Variants in SHLD2 observed in about 807,000 individuals in gnomAD.
SHLD2 encodes shieldin complex subunit 2.
In SHLD2, 30 loss-of-function variants were observed where a neutral mutation model predicts 73.2. That is an observed-to-expected ratio of 0.41 (90% CI 0.31 to 0.56). The LOEUF is 0.56. Among genes scored for constraint, SHLD2 ranks in the 20% least tolerant of loss-of-function variants. The pLI, the probability that SHLD2 is intolerant of heterozygous loss-of-function variation, is 0.28. For synonymous variants in SHLD2, 285 were observed against 370.1 expected, an observed-to-expected ratio of 0.77 and a Z score of 2.64; for missense variants, 745 against 1,055.9, an observed-to-expected ratio of 0.71 and a Z score of 4.08.
At chr10:87,160,825 A>G (rs1258384304) in intron 4 of SHLD2, among the ~76,000 whole-genome samples, 1 of 151,824 alleles carries the variant, frequency 6.6e-6, no homozygotes, top group Non-Finnish European at 1.5e-5. Flanking sequence ...CCCTGTCTGT[A>G]CTAAAAAGAT....
At position 87,179,590 on chromosome 10, in the gene SHLD2, A is replaced by T. The variant is rs190379103; in HGVS notation, c.2171-485A>T. Among the ~76,000 whole-genome samples the T allele has an allele frequency of 7.6e-4, 116 of 152,200 alleles. 2 individuals are homozygous for T. In the East Asian group the frequency reaches 0.02, roughly 26 times the overall value. On this transcript the variant is annotated intron_variant, in intron 7 of 9. Coordinates refer to ENST00000298786, the MANE Select transcript of SHLD2 (RefSeq NM_001330112.2). The stretch of plus-strand genomic sequence containing the variant: ...CTAATTTTTTGTATTTTTAGTAGAG[A>T]CAGGGTTTCACCATGTTAGCCAGGA...
At chr10:87,108,428 C>G (rs1842732371) in intron 2 of SHLD2, among the ~76,000 whole-genome samples, 1 of 152,156 alleles carries the variant, frequency 6.6e-6, no homozygotes, top group Non-Finnish European at 1.5e-5. Flanking sequence ...TCAAGTGATC[C>G]ACCGCCCCTT....
intron 2 of SHLD2, among the ~76,000 whole-genome samples, chr10:87,117,163 T>G (rs2134046422): frequency 6.6e-6 from 1 of 152,348 alleles, no homozygotes; most frequent in Admixed American, 6.5e-5. Flanking sequence ...CTCATGCCTG[T>G]AATCCCAGCA....
In SHLD2 at chr10:87,187,220, T is replaced by C; in HGVS notation, c.2515+20T>C. On this transcript the variant is annotated intron_variant, in intron 9 of 9. Coordinates refer to ENST00000298786, the MANE Select transcript of SHLD2 (RefSeq NM_001330112.2). ...TGATAGGTAATATATCAGTGTGCCATCAAGAAGTTGTTTTATTCAGGAGTA... is the reference window on the plus strand; with the variant it reads ...TGATAGGTAATATATCAGTGTGCCACCAAGAAGTTGTTTTATTCAGGAGTA... 7.1e-7 allele frequency: 1 copy of C among 1,407,118 alleles called. No individual in the cohort carries two copies. The highest frequency in any genetic ancestry group is 1.0e-6 in the Non-Finnish European group (1 of 991,180). The allele number at this position is 1,407,118 out of a possible 1,614,324, so 87.2% of individuals were successfully genotyped here. A position where few individuals can be genotyped will look rare whatever the true frequency, so the allele number is the denominator to read the frequency against.
chr10:87,117,627 CTACAAAAAA>C (rs1382141657), intron 2 of SHLD2, among the ~76,000 whole-genome samples: 2 of 152,008 alleles, frequency 1.3e-5, no homozygotes, highest in Non-Finnish European at 2.9e-5. Context: ...AACCTTGTTT[CTACAAAAAA>C]TACAAAAAAT....
chr10:87,174,952 A>G (rs1446714200), intron 6 of SHLD2, among the ~76,000 whole-genome samples: 3 of 151,798 alleles, frequency 2.0e-5, no homozygotes, highest in African/African-American at 7.3e-5. Flanking sequence ...CGTCTCTACT[A>G]AAAATGCAAA....
At chr10:87,095,478 A>T (rs958011011) in intron 1 of SHLD2, among the ~76,000 whole-genome samples, 1 of 152,042 alleles carries the variant, frequency 6.6e-6, no homozygotes, top group South Asian at 2.1e-4. Flanking sequence ...TGGCGGCCTC[A>T]GGCCGGGGCC....
chr10:87,096,748 A>G (rs1841927716), intron 1 of SHLD2, among the ~76,000 whole-genome samples, 186 bp from the exon 2 acceptor site: 1 of 152,240 alleles, frequency 6.6e-6, no homozygotes, highest in Admixed American at 6.5e-5. Flanking sequence ...AGAATATGGA[A>G]GAGAAAGTTC....
chr10:87,127,626 G>T (rs1844131399), intron 2 of SHLD2, among the ~76,000 whole-genome samples: 1 of 149,104 alleles, frequency 6.7e-6, no homozygotes. Flanking sequence ...GGTAGACAAG[G>T]TAAGTATTCA....
chr10:87,176,733 G>A (rs1191697884), intron 7 of SHLD2, among the ~76,000 whole-genome samples: 1 of 152,188 alleles, frequency 6.6e-6, no homozygotes, highest in Non-Finnish European at 1.5e-5. Flanking sequence ...TCCAATATAT[G>A]ATTGAAGGTT....
intron 2 of SHLD2, among the ~76,000 whole-genome samples, chr10:87,133,781 C>T (rs1385489167): frequency 6.6e-6 from 1 of 152,202 alleles, no homozygotes; most frequent in African/African-American, 2.4e-5. Flanking sequence ...CTTCTTATCT[C>T]CCATAAAAGT....
At chr10:87,109,338 G>A (rs1214604256) in intron 2 of SHLD2, among the ~76,000 whole-genome samples, 2 of 140,250 alleles carry the variant, frequency 1.4e-5, no homozygotes, top group Non-Finnish European at 3.0e-5. Flanking sequence ...CATTCTTGTT[G>A]CTCAGGCTGG....
chr10:87,151,211 A>G (rs1845988913), intron 2 of SHLD2, 139 bp from the exon 3 acceptor site: 1 of 501,086 alleles, frequency 2.0e-6, no homozygotes. Flanking sequence ...TATATAATTA[A>G]ATGGCATATC....
In SHLD2 at chr10:87,151,632, T is replaced by C. The variant is rs1276093111; in HGVS notation, c.278T>C (p.Val93Ala). ...NRHVHVKDDF[V>A]RSVSETQNIE... ...CATGTTCATGTGAAAGATGACTTTG[T>C]ACGTTCTGTTTCTGAAACACAGAAT... The change falls in exon 3 of 10, where the codon GTA (valine) becomes GCA (alanine). Residue 93 changes from valine to alanine, a missense_variant. Physicochemically the swap from Val to Ala is moderately conservative, Grantham distance 64. Transcript: ENST00000298786. The C allele has an allele frequency of 1.2e-6, 2 of 1,611,900 alleles. No individual in the cohort carries two copies. Among genetic ancestry groups the C allele is most frequent in the Admixed American group, 3.3e-5 (2 of 60,008 alleles).
At chr10:87,126,732 G>T (rs1464059817) in intron 2 of SHLD2, among the ~76,000 whole-genome samples, 1 of 152,058 alleles carries the variant, frequency 6.6e-6, no homozygotes, top group East Asian at 1.9e-4. Context: ...GAATAGCTGC[G>T]TACACTTTAT....
At chr10:87,186,971 C>T in intron 8 of SHLD2, 114 bp from the exon 9 acceptor site, 1 of 655,516 alleles carries the variant, frequency 1.5e-6, no homozygotes, top group Non-Finnish European at 2.7e-6. Context: ...TTGTTTTAGG[C>T]ATTCAAATTA....
chr10:87,170,972 A>G lies in SHLD2; in HGVS notation c.1961A>G (p.Lys654Arg). 2.1e-6 allele frequency: 3 copies of G among 1,457,262 alleles called. No homozygotes were observed. The highest frequency in any genetic ancestry group is 2.9e-6 in the Non-Finnish European group (3 of 1,047,150). 90.3% of individuals were successfully genotyped at this position (1,457,262 alleles called of 1,614,324 possible). A position where few individuals can be genotyped will look rare whatever the true frequency, so the allele number is the denominator to read the frequency against. Residue 654 changes from lysine to arginine, a missense_variant and splice_region_variant, in exon 6 of 10, where the codon AAA (lysine) becomes AGA (arginine). Lys to Arg is a conservative substitution (Grantham distance 26). Transcript: ENST00000298786. ...AAWYPQLQRKKGYIWEFKYLF... is the reference protein window; with the variant it reads ...AAWYPQLQRKRGYIWEFKYLF... ...TGGTACCCTCAACTTCAAAGGAAAAAAGGTAAATACACCAAAAAGCATTTA... is the reference window on the plus strand; with the variant it reads ...TGGTACCCTCAACTTCAAAGGAAAAGAGGTAAATACACCAAAAAGCATTTA...
chr10:87,177,020 A>G (rs1847992074), intron 7 of SHLD2, among the ~76,000 whole-genome samples: 1 of 151,446 alleles, frequency 6.6e-6, no homozygotes, highest in East Asian at 1.9e-4. Context: ...CTATGGTCAT[A>G]AAAGACTCTA....
chr10:87,105,297 C>T (rs1842528425), intron 2 of SHLD2, among the ~76,000 whole-genome samples: 1 of 152,068 alleles, frequency 6.6e-6, no homozygotes, highest in African/African-American at 2.4e-5. Context: ...AAAAATACAC[C>T]AGAGAAGCAA....
Sources: allele counts gnomAD v4.1 joint callset (sites outside exome capture counted in the v4.1 genomes callset), GRCh38; gene constraint gnomAD v4.1.1; transcripts MANE v1.5; gene names NCBI Gene and HGNC (gene_info 2026-07-23, HGNC 2026-07-21).